CEP72: variants seen among roughly 807,000 people sequenced by gnomAD.
The protein encoded by CEP72 is centrosomal protein 72, also known as centrosomal protein of 72 kDa.
A neutral mutation model predicts 65.7 loss-of-function variants in CEP72; 78 were observed. The ratio of observed to expected loss-of-function variants is 1.19; its 90% confidence interval spans 0.99 to 1.43. The LOEUF is 1.43. Among genes scored for constraint, CEP72 ranks in the 40% most tolerant of loss-of-function variants. The pLI is 0.00. For missense variants in CEP72, 914 were observed against 832.9 expected (o/e 1.10, Z -1.20); for synonymous variants, 358 against 351.7 (o/e 1.02, Z -0.20).
At chr5:654,298 G>C (rs1390474398), downstream of CEP72, among the ~76,000 whole-genome samples, 1 of 148,702 alleles carries the variant, frequency 6.7e-6, no homozygotes, top group Non-Finnish European at 1.5e-5. Flanking sequence ...GTGTGCAGTT[G>C]CTGTGTGCTA....
At chr5:663,314 G>A (rs1366521168) in intron 1 of CEP72, 1 of 152,464 alleles carries the variant, frequency 6.6e-6, no homozygotes, top group African/African-American at 2.4e-5. Flanking sequence ...CGGGGGCACA[G>A]GGCTGGGCTT....
chr5:674,842 T>C, the CEP72 span, among the ~76,000 whole-genome samples: 3 of 151,442 alleles, frequency 2.0e-5, no homozygotes, highest in Admixed American at 6.6e-5. Flanking sequence ...CTGTGGATGA[T>C]GTGGGAGCTC....
At chr5:643,843 T>C in intron 9 of CEP72, among the ~76,000 whole-genome samples, 1 of 152,156 alleles carries the variant, frequency 6.6e-6, no homozygotes, top group East Asian at 1.9e-4. Context: ...CTCCATACTT[T>C]GAGGATATGA....
chr5:635,560 C>T lies in CEP72; in HGVS notation c.880C>T (p.His294Tyr), dbSNP rs1159200551. 6 of 1,613,492 alleles carry T rather than the reference C, an allele frequency of 3.7e-6. No individual in the cohort carries two copies. Among genetic ancestry groups the T allele is most frequent in the Admixed American group, 1.7e-5 (1 of 59,998 alleles). The change falls in exon 6 of 12, where the codon CAC becomes TAC. Residue 294 changes from histidine (H) to tyrosine (Y), a missense_variant. By Grantham distance (83) the His-to-Tyr change is moderately conservative (BLOSUM62 2). Transcript: ENST00000264935. Reference protein sequence around the residue: ...EPEASRAPRPHTYFTPHPDSM... With the variant: ...EPEASRAPRPYTYFTPHPDSM... ...AGAGGCCTCCCGTGCCCCCAGGCCA[C>T]ACACGTACTTCACCCCACACCCAGG...
intron 10 of CEP72, 150 bp from the exon 11 acceptor site, chr5:647,655 G>C (rs770629713): frequency 6.5e-6 from 4 of 618,200 alleles, no homozygotes; most frequent in Non-Finnish European, 1.2e-5. Context: ...TGCTCGCCCT[G>C]TCTTTGAGTC....
rs1463571871 is a variant in CEP72, at chr5:623,189, C to T, written c.404-1282C>T. 1.3e-5 allele frequency among the ~76,000 whole-genome samples: 2 copies of T among 152,188 alleles called. No homozygotes were observed. The highest frequency in any genetic ancestry group is 4.8e-5 in the African/African-American group (2 of 41,450). On this transcript the variant is annotated intron_variant, in intron 3 of 11. Transcript: ENST00000264935. This position sits in a 1 kb window ranked among gnomAD's most constrained non-coding sequence, Gnocchi z 5.3. ...TGTTTCTGCAGAGAAGGAGCGCGAC[C>T]GTCTCCCCTCTTAGTGTTTCTACAG...
downstream of CEP72, among the ~76,000 whole-genome samples, chr5:669,636 C>T (rs1486315992): frequency 1.3e-5 from 2 of 152,188 alleles, no homozygotes. Flanking sequence ...GAGCCAGGCA[C>T]CACCAGCATG....
At chr5:672,479 C>T in the CEP72 span, among the ~76,000 whole-genome samples, 6 of 152,272 alleles carry the variant, frequency 3.9e-5, no homozygotes, top group Non-Finnish European at 7.3e-5. Context: ...CAGCTGAGAC[C>T]GCAGCCCAGC....
Position 616,142 on chromosome 5 carries a change from G to A in CEP72, c.83-2848G>A, listed in dbSNP as rs558991274. 7.9e-5 allele frequency among the ~76,000 whole-genome samples: 12 copies of A among 151,930 alleles called. No individual in the cohort carries two copies. The South Asian group carries it at 1.3e-3, about 16-fold the overall frequency. ...TTCCACGATGCTCTAGGTTTCTTTCGTTTTTCCTTTATATTTGAAAAAATT... is the reference window on the plus strand; with the variant it reads ...TTCCACGATGCTCTAGGTTTCTTTCATTTTTCCTTTATATTTGAAAAAATT... On this transcript the variant is annotated intron_variant, in intron 1 of 11. Transcript: ENST00000264935.
downstream of CEP72, among the ~76,000 whole-genome samples, chr5:667,549 A>G (rs571331046): frequency 6.6e-6 from 1 of 152,292 alleles, no homozygotes; most frequent in East Asian, 1.9e-4. Flanking sequence ...TATAGTGGAA[A>G]AAATGGATGA....
chr5:658,731 T>C (rs112418292), downstream of CEP72, among the ~76,000 whole-genome samples: 15 of 136,386 alleles, frequency 1.1e-4, no homozygotes, highest in East Asian at 1.2e-3. Flanking sequence ...TGCAGTGGCG[T>C]GATCTCGGCT....
chr5:675,164 C>CCA, the CEP72 span, among the ~76,000 whole-genome samples: 4 of 107,782 alleles, frequency 3.7e-5, no homozygotes, highest in Non-Finnish European at 3.7e-5. Flanking sequence ...TGCAGTGTGG[C>CCA]TGAGAATGCA....
At chr5:649,521 T>G (rs531955918) in intron 11 of CEP72, among the ~76,000 whole-genome samples, 59 of 88,670 alleles carry the variant, frequency 6.7e-4, no homozygotes, top group African/African-American at 2.6e-3. Flanking sequence ...GAGGTGTGAC[T>G]GTGAGGTGTG....
chr5:641,191 G>T (rs976856948), intron 9 of CEP72: 14 of 985,060 alleles, frequency 1.4e-5, no homozygotes, highest in Non-Finnish European at 1.7e-5. Flanking sequence ...TGGGGCCACC[G>T]TCTCATCTGA....
rs746810417 is a variant in CEP72, at chr5:612,348, G to C, written c.-14G>C. The C allele has an allele frequency of 2.7e-6, 4 of 1,485,926 alleles. No homozygotes were observed. Among genetic ancestry groups the C allele is most frequent in the Non-Finnish European group, 3.6e-6 (4 of 1,123,420 alleles). 92.0% of individuals were successfully genotyped at this position (1,485,926 alleles called of 1,614,324 possible). On this transcript the variant is annotated 5_prime_UTR_variant, in exon 1 of 12. Transcript: ENST00000264935. ...CCCGCCGCGCAGGCGCCGTCCGAGG[G>C]CTCCGTTTGAAACATGGCGCGGGCT...
At chr5:629,367 A>T (rs536529782) in intron 4 of CEP72, among the ~76,000 whole-genome samples, 1 of 152,410 alleles carries the variant, frequency 6.6e-6, no homozygotes, top group East Asian at 1.9e-4. Context: ...AGAATCTTCC[A>T]GAACTTTAAT....
chr5:670,739 C>T (rs538241361), downstream of CEP72, among the ~76,000 whole-genome samples: 66 of 152,316 alleles, frequency 4.3e-4, no homozygotes, highest in African/African-American at 1.6e-3. Context: ...GCCGCCCCTG[C>T]CTCCCGCAAG....
At chr5:667,363 T>C (rs143376524), downstream of CEP72, among the ~76,000 whole-genome samples, 434 of 152,274 alleles carry the variant, frequency 2.9e-3, 1 homozygote, top group Non-Finnish European at 4.7e-3. Context: ...CAACTGGTGA[T>C]CCCTGTGCAA....
At chr5:668,020 GCA>G (rs1460162276), downstream of CEP72, among the ~76,000 whole-genome samples, 109 of 43,946 alleles carry the variant, frequency 2.5e-3, 31 homozygotes, top group Admixed American at 0.022. Context: ...GTACCGACAA[GCA>G]CACAGAGAGG....
Sources: allele counts gnomAD v4.1 joint callset (sites outside exome capture counted in the v4.1 genomes callset), GRCh38; gene constraint gnomAD v4.1.1; non-coding constraint Gnocchi (gnomAD v3.1); transcripts MANE v1.5; gene names NCBI Gene and HGNC (gene_info 2026-07-23, HGNC 2026-07-21).